Variants in PRR16 observed in about 807,000 individuals in gnomAD.
PRR16 encodes the protein protein Largen.
Under a neutral mutation model 18.2 loss-of-function variants are expected in PRR16, and 6 were observed. The ratio of observed to expected loss-of-function variants is 0.33; its 90% CI spans 0.18 to 0.65. The LOEUF (loss-of-function observed/expected upper bound fraction) is 0.65. PRR16 is among the 30% of genes least tolerant of loss of function. The probability of loss-of-function intolerance (pLI) is 0.74; values close to 1 mark genes in which losing one functional copy is unlikely to be tolerated. For synonymous variants in PRR16, 151 were observed against 147.8 expected (o/e 1.02, Z -0.16); for missense variants, 412 against 376.6 (o/e 1.09, Z -0.78).
At chr5:120,703,054 AAG>A in the PRR16 span, among the ~76,000 whole-genome samples, 18 of 152,180 alleles carry the variant, frequency 1.2e-4, no homozygotes, top group Admixed American at 9.2e-4. Context: ...TGAGTCCGAA[AAG>A]AGAGTCAGCG....
chr5:120,676,054 A>G (rs1045870421), intron 1 of PRR16, among the ~76,000 whole-genome samples: 2 of 152,174 alleles, frequency 1.3e-5, no homozygotes, highest in African/African-American at 4.8e-5. Flanking sequence ...TTTTAAGTAT[A>G]TATCCTCCAT....
intron 1 of PRR16, among the ~76,000 whole-genome samples, chr5:120,486,149 C>G (rs977376311): frequency 6.6e-5 from 10 of 152,108 alleles, no homozygotes; most frequent in Non-Finnish European, 1.0e-4. Context: ...ATTTATAATC[C>G]TTTGGGTATA....
chr5:120,476,823 T>TA (rs927560648), intron 1 of PRR16, among the ~76,000 whole-genome samples: 45 of 151,682 alleles, frequency 3.0e-4, no homozygotes, highest in South Asian at 6.2e-4. Context: ...AAATAAAAAA[T>TA]AAAAAAAAAC....
intron 1 of PRR16, among the ~76,000 whole-genome samples, chr5:120,544,302 C>T (rs950904735): frequency 6.6e-6 from 1 of 152,158 alleles, no homozygotes; most frequent in Non-Finnish European, 1.5e-5. Context: ...TGAACTCTCA[C>T]AATCTTCAAA....
the PRR16 span, among the ~76,000 whole-genome samples, chr5:120,735,388 A>G: frequency 2.0e-5 from 3 of 151,742 alleles, no homozygotes; most frequent in African/African-American, 2.4e-5. Flanking sequence ...AAAAGTGGGG[A>G]TATATATATA....
At chr5:120,759,594 T>G in the PRR16 span, among the ~76,000 whole-genome samples, 50 of 152,106 alleles carry the variant, frequency 3.3e-4, no homozygotes, top group Non-Finnish European at 6.2e-4. Context: ...TTTATGATAT[T>G]GTAATGGTGG....
the PRR16 span, among the ~76,000 whole-genome samples, chr5:120,748,252 T>A: frequency 2.0e-5 from 3 of 152,100 alleles, no homozygotes; most frequent in African/African-American, 7.2e-5. Context: ...TGTAGTGAGG[T>A]TGATGATTTT....
At chr5:120,477,166 T>A (rs974513343) in intron 1 of PRR16, among the ~76,000 whole-genome samples, 53 of 152,318 alleles carry the variant, frequency 3.5e-4, no homozygotes, top group African/African-American at 1.3e-3. Flanking sequence ...TTCAGCCTTG[T>A]GGATAAATTC....
At chr5:120,583,801 A>T (rs1753350290) in intron 1 of PRR16, among the ~76,000 whole-genome samples, 1 of 152,178 alleles carries the variant, frequency 6.6e-6, no homozygotes, top group Non-Finnish European at 1.5e-5. Context: ...GATGTTACAA[A>T]GGGATCTCAG....
chr5:120,526,457 C>T (rs1751349219), intron 1 of PRR16, among the ~76,000 whole-genome samples: 1 of 151,918 alleles, frequency 6.6e-6, no homozygotes, highest in Admixed American at 6.6e-5. Flanking sequence ...TTATATTTTC[C>T]CCTCAGGCAA....
At chr5:120,573,540 A>G (rs1318213537) in intron 1 of PRR16, among the ~76,000 whole-genome samples, 1 of 152,162 alleles carries the variant, frequency 6.6e-6, no homozygotes, top group Admixed American at 6.6e-5. Context: ...CTAATTTAGT[A>G]AAGCTTTAGA....
chr5:120,694,614 G>GAA, the PRR16 span, among the ~76,000 whole-genome samples: 49 of 151,410 alleles, frequency 3.2e-4, no homozygotes, highest in African/African-American at 7.0e-4. Context: ...AACCCCAGGG[G>GAA]GCGGAGCTTG....
chr5:120,732,140 T>A, the PRR16 span, among the ~76,000 whole-genome samples: 1 of 152,222 alleles, frequency 6.6e-6, no homozygotes, highest in Non-Finnish European at 1.5e-5. Context: ...ACTGTACAGC[T>A]CATAGTGTTC....
At chr5:120,702,508 C>T in the PRR16 span, among the ~76,000 whole-genome samples, 1 of 152,010 alleles carries the variant, frequency 6.6e-6, no homozygotes, top group Non-Finnish European at 1.5e-5. Flanking sequence ...CCCAGAAAAG[C>T]GGGACTTGCT....
the PRR16 span, among the ~76,000 whole-genome samples, chr5:120,788,523 TTAA>T: frequency 1.3e-5 from 2 of 152,084 alleles, no homozygotes; most frequent in African/African-American, 4.8e-5. Context: ...TGCTTGTTCA[TTAA>T]TAACAGCTTG....
chr5:120,664,561 C>A lies in PRR16; in HGVS notation c.160-21393C>A, dbSNP rs1163942943. On this transcript the variant is annotated intron_variant, in intron 1 of 1. Transcript: ENST00000407149. ...CCTGTTGGTGTGCTGCACCCATTAC[C>A]TCGTCATTTAGCATTAGGTATATCT... Among the ~76,000 whole-genome samples, 4 of 151,702 alleles carry A rather than the reference C, an allele frequency of 2.6e-5. No individual in the cohort carries two copies. In the East Asian group the frequency reaches 7.7e-4, roughly 29 times the overall value.
the PRR16 span, among the ~76,000 whole-genome samples, chr5:120,740,051 A>G: frequency 6.6e-6 from 1 of 152,170 alleles, no homozygotes; most frequent in East Asian, 1.9e-4. Context: ...CAATGTTTGA[A>G]GTTTTAGCTT....
At chr5:120,634,674 C>T (rs1467344579) in intron 1 of PRR16, among the ~76,000 whole-genome samples, 1 of 151,870 alleles carries the variant, frequency 6.6e-6, no homozygotes, top group Non-Finnish European at 1.5e-5. Flanking sequence ...TGAAAGATAA[C>T]AGATAGTATA....
At chr5:120,606,371 A>G in intron 1 of PRR16, among the ~76,000 whole-genome samples, 1 of 151,794 alleles carries the variant, frequency 6.6e-6, no homozygotes, top group South Asian at 2.1e-4. Flanking sequence ...CCCACACATT[A>G]GTCATTTATA....
Sources: allele counts gnomAD v4.1 joint callset (sites outside exome capture counted in the v4.1 genomes callset), GRCh38; gene constraint gnomAD v4.1.1; transcripts MANE v1.5; gene names NCBI Gene and HGNC (gene_info 2026-07-23, HGNC 2026-07-21).